The following NEDD4L variants were observed in gnomAD, a reference collection of about 807,000 sequenced individuals.
NEDD4L encodes E3 ubiquitin-protein ligase NEDD4-like.
In NEDD4L, 54 loss-of-function variants were observed where a neutral mutation model predicts 148.9. The observed-to-expected ratio is 0.36, with a 90% CI of 0.29 to 0.45. The LOEUF (loss-of-function observed/expected upper bound fraction) is 0.45, where lower values mean the gene tolerates loss of function less well. Among genes scored for constraint, NEDD4L ranks in the 20% least tolerant of loss-of-function variants. NEDD4L has a pLI of 1.00. For synonymous variants in NEDD4L, 433 were observed against 440.7 expected, an observed-to-expected ratio of 0.98 and a Z score of 0.22; for missense variants, 856 against 1,233.8, an observed-to-expected ratio of 0.69 and a Z score of 4.59.
intron 16 of NEDD4L, among the ~76,000 whole-genome samples, chr18:58,346,391 G>A (rs1218575780): frequency 1.3e-5 from 2 of 152,174 alleles, no homozygotes; most frequent in East Asian, 3.8e-4. Flanking sequence ...AGCCCCTCTG[G>A]TCCCCAAGCA....
rs562611700 is a variant in NEDD4L at position 58,244,375 on chromosome 18, G to A, written c.123-1052G>A. On this transcript the variant is annotated intron_variant, in intron 2 of 30. Transcript: ENST00000400345. ...AAATTCTTCTATACCCTAAATTCTTGCAAAGTGATATTTTGATTAGATTTG... is the reference window on the plus strand; with the variant it reads ...AAATTCTTCTATACCCTAAATTCTTACAAAGTGATATTTTGATTAGATTTG... Among the ~76,000 whole-genome samples the A allele has an allele frequency of 4.6e-5, 7 of 152,258 alleles. No individual in the cohort carries two copies. The South Asian group carries it at 8.3e-4, about 18-fold the overall frequency.
intron 1 of NEDD4L, among the ~76,000 whole-genome samples, chr18:58,156,624 T>C (rs2035535876): frequency 1.3e-5 from 2 of 152,174 alleles, no homozygotes; most frequent in South Asian, 4.1e-4. Context: ...CCCACATTTC[T>C]GGCAGCCTAC....
intron 25 of NEDD4L, among the ~76,000 whole-genome samples, chr18:58,385,024 A>G (rs948699660): frequency 3.3e-5 from 5 of 152,226 alleles, no homozygotes; most frequent in Non-Finnish European, 5.9e-5. Context: ...GATAAAGCTT[A>G]TATGTTATTG....
chr18:58,273,494 G>C (rs2051387150), intron 5 of NEDD4L, among the ~76,000 whole-genome samples: 1 of 152,176 alleles, frequency 6.6e-6, no homozygotes, highest in African/African-American at 2.4e-5. Context: ...CTGAGATATA[G>C]ACACGGTAGA....
intron 2 of NEDD4L, among the ~76,000 whole-genome samples, chr18:58,187,776 A>G (rs73961516): frequency 0.035 from 5,376 of 152,278 alleles, 310 homozygotes; most frequent in African/African-American, 0.12. Flanking sequence ...GAAAGCAAAT[A>G]TGGAAATCAC....
chr18:58,112,485 T>A lies in NEDD4L; in HGVS notation c.49-53303T>A, dbSNP rs183401988. On this transcript the variant is annotated intron_variant, in intron 1 of 30. Transcript: ENST00000400345. The stretch of plus-strand genomic sequence containing the variant: ...GTATATATATATAGAGAGAGATTTT[T>A]AAAATTTTATTATTATTTTTTGAGA... Among the ~76,000 whole-genome samples the A allele has an allele frequency of 4.2e-3, 631 of 151,982 alleles. 4 individuals carry two copies. Among genetic ancestry groups the A allele is most frequent in the African/African-American group, 0.014 (592 of 41,508 alleles).
chr18:58,093,791 A>G (rs918281798), intron 1 of NEDD4L, among the ~76,000 whole-genome samples: 2 of 152,258 alleles, frequency 1.3e-5, no homozygotes, highest in African/African-American at 4.8e-5. Flanking sequence ...CAATAAGGAA[A>G]TTGAACTTTT....
rs1290110124 is a variant in NEDD4L at position 58,205,500 on chromosome 18, G to GTA, written c.122+39640_122+39641insAT. Among the ~76,000 whole-genome samples the GTA allele has an allele frequency of 2.5e-3, 365 of 146,192 alleles. 4 individuals are homozygous for GTA. In the South Asian group the frequency reaches 0.033, roughly 13 times the overall value. On this transcript the variant is annotated intron_variant, in intron 2 of 30. Coordinates refer to ENST00000400345, the MANE Select transcript of NEDD4L (RefSeq NM_001144967.3). ...TTTGACTAGAGGGGTGTGTGTGTAT[G>GTA]TGTGTGTGTGTGTGTGTGTGGTTGG...
At chr18:58,048,438 A>G (rs4528665) in intron 1 of NEDD4L, among the ~76,000 whole-genome samples, 77,705 of 152,044 alleles carry the variant, frequency 0.51, 22,278 homozygotes, top group East Asian at 0.85. Context: ...TGTGTGAGGT[A>G]GGCTGTGATT....
At chr18:58,072,651 T>C (rs1321448972) in intron 1 of NEDD4L, among the ~76,000 whole-genome samples, 1 of 152,224 alleles carries the variant, frequency 6.6e-6, no homozygotes, top group Non-Finnish European at 1.5e-5. Flanking sequence ...GCATGCTTTC[T>C]CCTAAGATTA....
chr18:58,354,647 G>C (rs1483501809), intron 18 of NEDD4L, among the ~76,000 whole-genome samples: 1 of 152,216 alleles, frequency 6.6e-6, no homozygotes, highest in Non-Finnish European at 1.5e-5. Context: ...TGCTGGGACT[G>C]GTCTTAAGTG....
chr18:58,180,553 C>T (rs1310100442), intron 2 of NEDD4L, among the ~76,000 whole-genome samples: 1 of 152,222 alleles, frequency 6.6e-6, no homozygotes, highest in Non-Finnish European at 1.5e-5. Flanking sequence ...CTTGGCTCTG[C>T]CTCCCCACCC....
intron 2 of NEDD4L, among the ~76,000 whole-genome samples, chr18:58,176,947 G>T (rs1001123277): frequency 6.6e-6 from 1 of 152,178 alleles, no homozygotes; most frequent in Non-Finnish European, 1.5e-5. Context: ...TCAGAGTGCA[G>T]CCTAGAAAAT....
chr18:58,251,056 A>G (rs904031790), intron 4 of NEDD4L, among the ~76,000 whole-genome samples: 1 of 152,152 alleles, frequency 6.6e-6, no homozygotes, highest in African/African-American at 2.4e-5. Context: ...GACCTAGTGC[A>G]GGTCCTGGTT....
chr18:58,295,258 C>T (rs1180718318), intron 5 of NEDD4L, among the ~76,000 whole-genome samples: 5 of 152,202 alleles, frequency 3.3e-5, no homozygotes, highest in Admixed American at 6.5e-5. Context: ...CTCTGTGCTT[C>T]ATCTGTTCAT....
At chr18:58,349,724 C>T (rs2043626713) in intron 17 of NEDD4L, 110 bp downstream of exon 17, 1 of 834,288 alleles carries the variant, frequency 1.2e-6, no homozygotes, top group East Asian at 2.5e-5. Flanking sequence ...CTTTGTGGAT[C>T]TCATTGGTTT....
chr18:58,256,163 C>T lies in NEDD4L; in HGVS notation c.297+4109C>T. On this transcript the variant is annotated intron_variant, in intron 5 of 30. Transcript: ENST00000400345. This position sits in a 1 kb window ranked among gnomAD's most constrained non-coding sequence, Gnocchi z 5.2. Reference sequence around the variant, plus strand: ...CAACGGCACGTGCGGCCGCCGCGTGCGGTGCTCCGGCCCCGTGGACTGCGC... The same window carrying T: ...CAACGGCACGTGCGGCCGCCGCGTGTGGTGCTCCGGCCCCGTGGACTGCGC... 9.8e-6 allele frequency: 12 copies of T among 1,218,498 alleles called. No homozygotes were observed. The highest frequency in any genetic ancestry group is 1.6e-5 in the African/African-American group (1 of 63,866). 75.5% of individuals were successfully genotyped at this position (1,218,498 alleles called of 1,614,324 possible).
chr18:58,058,273 T>C (rs2082176022), intron 1 of NEDD4L, among the ~76,000 whole-genome samples: 1 of 152,210 alleles, frequency 6.6e-6, no homozygotes, highest in Admixed American at 6.5e-5. Flanking sequence ...GCCACTGCAC[T>C]CTAGCCTGGC....
Position 58,381,986 on chromosome 18 carries a change from A to G in NEDD4L, c.2353-1260A>G, listed in dbSNP as rs577354771. Reference sequence around the variant, plus strand: ...ATGAAGGATGTCAGCAAAACCGGAAACGCAGCAAAGGGATTAAAATTCACA... The same window carrying G: ...ATGAAGGATGTCAGCAAAACCGGAAGCGCAGCAAAGGGATTAAAATTCACA... On this transcript the variant is annotated intron_variant, in intron 24 of 30. Coordinates refer to ENST00000400345, the MANE Select transcript of NEDD4L (RefSeq NM_001144967.3). 2.8e-4 allele frequency among the ~76,000 whole-genome samples: 42 copies of G among 152,340 alleles called. No homozygotes were observed. The South Asian group carries it at 8.5e-3, about 31-fold the overall frequency.
Sources: gnomAD v4.1 joint callset for allele counts (sites outside exome capture counted in the v4.1 genomes callset) on GRCh38, gnomAD v4.1.1 for gene constraint, Gnocchi (gnomAD v3.1) non-coding constraint, MANE v1.5 for transcripts, NCBI Gene and HGNC (gene_info 2026-07-23, HGNC 2026-07-21) for gene names.